The following PLEKHH1 variants were observed in gnomAD, a reference collection of about 807,000 sequenced individuals.
The protein encoded by PLEKHH1 is pleckstrin homology domain-containing family H member 1.
A neutral mutation model predicts 160.0 loss-of-function variants in PLEKHH1; 104 were observed. The ratio of observed to expected loss-of-function variants is 0.65; its 90% CI spans 0.55 to 0.76. PLEKHH1 has a LOEUF of 0.76. Among genes scored for constraint, PLEKHH1 ranks in the 30% least tolerant of loss-of-function variants. The probability of loss-of-function intolerance (pLI) is 0.00; values close to 1 mark genes in which losing one functional copy is unlikely to be tolerated. For missense variants in PLEKHH1, 1,427 were observed against 1,724.1 expected, an observed-to-expected ratio of 0.83 and a Z score of 3.05; for synonymous variants, 619 against 678.4, an observed-to-expected ratio of 0.91 and a Z score of 1.36.
chr14:67,539,646 A>G (rs1282616403), intron 1 of PLEKHH1, among the ~76,000 whole-genome samples: 2 of 152,150 alleles, frequency 1.3e-5, no homozygotes, highest in Non-Finnish European at 2.9e-5. Context: ...TTTCAAGTCT[A>G]CCACACTCTT....
In PLEKHH1 at chr14:67,578,681, G is replaced by A. The variant is rs1056759892; in HGVS notation, c.2849+50G>A. On this transcript the variant is annotated intron_variant, in intron 20 of 28. Transcript: ENST00000329153. This position sits in a 1 kb window ranked among gnomAD's most constrained non-coding sequence, Gnocchi z 5.0. ...TGCCACTTGAGCACTGCCAACTGCC[G>A]CATGAATAAGAGGGATGAGAGGAGT... 54 of 1,161,888 alleles carry A rather than the reference G, an allele frequency of 4.6e-5. No individual in the cohort carries two copies. Among genetic ancestry groups the A allele is most frequent in the Non-Finnish European group, 5.4e-5 (43 of 789,754 alleles). 72.0% of individuals were successfully genotyped at this position (1,161,888 alleles called of 1,614,324 possible).
Position 67,589,352 on chromosome 14 carries a change from C to G in PLEKHH1, c.*2117C>G. ...TTATTCTTTGTTAACATGAGAGTCCCATGTCTGAAAACCAAAGTCCAATTT... is the reference window on the plus strand; with the variant it reads ...TTATTCTTTGTTAACATGAGAGTCCGATGTCTGAAAACCAAAGTCCAATTT... On this transcript the variant is annotated 3_prime_UTR_variant, in exon 29 of 29. Transcript: ENST00000329153. 1.0e-6 allele frequency: 1 copy of G among 983,202 alleles called. No individual in the cohort carries two copies. The allele number at this position is 983,202 out of a possible 1,614,324, so 60.9% of individuals were successfully genotyped here. A position where few individuals can be genotyped will look rare whatever the true frequency, so the allele number is the denominator to read the frequency against.
chr14:67,552,690 C>T (rs550102453), intron 2 of PLEKHH1, among the ~76,000 whole-genome samples: 47 of 151,946 alleles, frequency 3.1e-4, no homozygotes, highest in African/African-American at 1.1e-3. Flanking sequence ...TGGCGGGAAC[C>T]CGGGAGGCGG....
Position 67,568,762 on chromosome 14 carries a change from A to G in PLEKHH1, c.1264-376A>G, listed in dbSNP as rs553506354. The stretch of plus-strand genomic sequence containing the variant: ...TCTGGGGGTTAGATCTTGAGACCCA[A>G]GGGTCTCTAAAACGGGTAGGATTCA... On this transcript the variant is annotated intron_variant, in intron 7 of 28. Transcript: ENST00000329153. Among the ~76,000 whole-genome samples, 281 of 152,210 alleles carry G rather than the reference A, an allele frequency of 1.8e-3. 3 individuals carry two copies. The highest frequency in any genetic ancestry group is 6.5e-3 in the African/African-American group (271 of 41,528).
chr14:67,543,560 T>C (rs369027922), intron 2 of PLEKHH1, among the ~76,000 whole-genome samples: 39 of 152,336 alleles, frequency 2.6e-4, no homozygotes, highest in African/African-American at 9.1e-4. Flanking sequence ...GTCCTCTCAA[T>C]TGAAGTCTCC....
At chr14:67,542,099 GC>G in intron 2 of PLEKHH1, 106 bp downstream of exon 2, 1 of 1,070,132 alleles carries the variant, frequency 9.3e-7, no homozygotes, top group Non-Finnish European at 1.3e-6. Flanking sequence ...TCAGTAAGAT[GC>G]TTTTCCCCAT....
intron 1 of PLEKHH1, among the ~76,000 whole-genome samples, chr14:67,538,731 C>T (rs2033845037): frequency 6.6e-6 from 1 of 152,150 alleles, no homozygotes; most frequent in Non-Finnish European, 1.5e-5. Flanking sequence ...CCAACCTCCT[C>T]AGCAACTTGC....
At chr14:67,545,140 C>G (rs948763705) in intron 2 of PLEKHH1, among the ~76,000 whole-genome samples, 6 of 152,176 alleles carry the variant, frequency 3.9e-5, no homozygotes, top group African/African-American at 1.4e-4. Context: ...GTGATGGTCT[C>G]TGGATATTTG....
At chr14:67,584,592 A>G (rs2036059079) in intron 26 of PLEKHH1, among the ~76,000 whole-genome samples, 2 of 152,210 alleles carry the variant, frequency 1.3e-5, no homozygotes, top group African/African-American at 4.8e-5. Flanking sequence ...GTTGTGCATA[A>G]ACTTTATAGA....
chr14:67,572,878 C>T (rs1478921698), intron 11 of PLEKHH1, among the ~76,000 whole-genome samples: 2 of 152,202 alleles, frequency 1.3e-5, no homozygotes, highest in Non-Finnish European at 1.5e-5. Context: ...CTTGCCCTCT[C>T]CCTGCTCTGT....
intron 7 of PLEKHH1, among the ~76,000 whole-genome samples, chr14:67,565,738 G>A (rs2035058888): frequency 6.6e-6 from 1 of 152,218 alleles, no homozygotes; most frequent in Non-Finnish European, 1.5e-5. Context: ...TCACTTGGGA[G>A]AGGGGGTGAC....
intron 2 of PLEKHH1, among the ~76,000 whole-genome samples, chr14:67,554,264 A>G (rs1394423391): frequency 6.6e-6 from 1 of 152,188 alleles, no homozygotes; most frequent in Non-Finnish European, 1.5e-5. Context: ...TAATTAAGGA[A>G]AGCAGAATTT....
intron 26 of PLEKHH1, among the ~76,000 whole-genome samples, chr14:67,584,409 C>T (rs1308831311): frequency 6.6e-6 from 1 of 152,192 alleles, no homozygotes; most frequent in African/African-American, 2.4e-5. Context: ...AGAGTGCTTT[C>T]ATTTTTTTTA....
Position 67,578,689 on chromosome 14 carries a change from AAG to A in PLEKHH1, c.2849+61_2849+62del. The stretch of plus-strand genomic sequence containing the variant: ...GAGCACTGCCAACTGCCGCATGAAT[AAG>A]AGGGATGAGAGGAGTCTAGGGCAGA... On this transcript the variant is annotated intron_variant, in intron 20 of 28. Transcript: ENST00000329153. This position sits in a 1 kb window ranked among gnomAD's most constrained non-coding sequence, Gnocchi z 5.0. 1 of 1,109,070 alleles carries A rather than the reference AAG, an allele frequency of 9.0e-7. No homozygotes were observed. The allele number at this position is 1,109,070 out of a possible 1,614,324, so 68.7% of individuals were successfully genotyped here. A position where few individuals can be genotyped will look rare whatever the true frequency, so the allele number is the denominator to read the frequency against.
At chr14:67,544,639 A>G (rs1233325749) in intron 2 of PLEKHH1, among the ~76,000 whole-genome samples, 1 of 152,264 alleles carries the variant, frequency 6.6e-6, no homozygotes, top group African/African-American at 2.4e-5. Context: ...AAATGAAAGC[A>G]TAAGACAAGA....
chr14:67,552,438 G>A (rs1187230159), intron 2 of PLEKHH1, among the ~76,000 whole-genome samples: 1 of 152,238 alleles, frequency 6.6e-6, no homozygotes, highest in Non-Finnish European at 1.5e-5. Context: ...AAGTGAATAT[G>A]AAATGCTTTG....
rs1351302768 is a variant in PLEKHH1, at chr14:67,579,878, T to C, written c.3183+2T>C. The C allele has an allele frequency of 6.3e-7, 1 of 1,596,350 alleles. No homozygotes were observed. Among genetic ancestry groups the C allele is most frequent in the East Asian group, 2.3e-5 (1 of 44,038 alleles). On this transcript the variant is annotated splice_donor_variant, in intron 22 of 28. Transcript: ENST00000329153. LOFTEE classifies it high-confidence loss of function. The stretch of plus-strand genomic sequence containing the variant: ...CACTGCCTGCAGGGAAGTGTCAAGG[T>C]GACAGCCTCCCACTAAGCCAGCTGA...
In PLEKHH1 at chr14:67,578,668, A is replaced by G. The variant is rs926997080; in HGVS notation, c.2849+37A>G. On this transcript the variant is annotated intron_variant, in intron 20 of 28. Coordinates refer to ENST00000329153, the MANE Select transcript of PLEKHH1 (RefSeq NM_020715.3). The surrounding 1 kb of genome is among the most constrained non-coding windows in gnomAD (Gnocchi z 5.0). ...TGGCCGTTTCCTCTGCCACTTGAGC[A>G]CTGCCAACTGCCGCATGAATAAGAG... 7.9e-7 allele frequency: 1 copy of G among 1,259,866 alleles called. No homozygotes were observed. 78.0% of individuals were successfully genotyped at this position (1,259,866 alleles called of 1,614,324 possible).
At chr14:67,553,769 T>C (rs991563693) in intron 2 of PLEKHH1, among the ~76,000 whole-genome samples, 4 of 152,166 alleles carry the variant, frequency 2.6e-5, no homozygotes, top group African/African-American at 9.7e-5. Flanking sequence ...TGTGTGAAGG[T>C]CAAGGAACTC....
Sources: gnomAD v4.1 joint callset for allele counts (sites outside exome capture counted in the v4.1 genomes callset) on GRCh38, gnomAD v4.1.1 for gene constraint, Gnocchi (gnomAD v3.1) non-coding constraint, MANE v1.5 for transcripts, NCBI Gene and HGNC (gene_info 2026-07-23, HGNC 2026-07-21) for gene names.